The following STAT5B variants were observed in gnomAD, a reference collection of about 807,000 sequenced individuals.
STAT5B encodes signal transducer and activator of transcription 5B.
A neutral mutation model predicts 107.8 loss-of-function variants in STAT5B; 21 were observed. The observed-to-expected ratio is 0.19, with a 90% CI of 0.14 to 0.28. STAT5B has a LOEUF of 0.28. Among genes scored for constraint, STAT5B ranks in the 10% least tolerant of loss-of-function variants. The probability of loss-of-function intolerance (pLI) is 1.00; values close to 1 mark genes in which losing one functional copy is unlikely to be tolerated. For synonymous variants in STAT5B, 325 were observed against 401.7 expected, an observed-to-expected ratio of 0.81 and a Z score of 2.28; for missense variants, 565 against 1,008.2, an observed-to-expected ratio of 0.56 and a Z score of 5.95.
chr17:42,270,212 AAAT>A (rs1216466536), intron 1 of STAT5B, among the ~76,000 whole-genome samples: 1 of 152,158 alleles, frequency 6.6e-6, no homozygotes, highest in Non-Finnish European at 1.5e-5. Flanking sequence ...CTGTCTCAAG[AAAT>A]AATAATAATA....
chr17:42,240,766 T>C (rs924261653), intron 1 of STAT5B, among the ~76,000 whole-genome samples: 2 of 152,198 alleles, frequency 1.3e-5, no homozygotes, highest in Non-Finnish European at 2.9e-5. Context: ...CCAGGCTGCA[T>C]GCATGTTGAG....
the STAT5B span, among the ~76,000 whole-genome samples, chr17:42,287,188 C>G: frequency 6.6e-6 from 1 of 150,950 alleles, no homozygotes; most frequent in Non-Finnish European, 1.5e-5. Context: ...GCTTCTGCAG[C>G]TTTGAAGTTC....
At chr17:42,240,759 G>A (rs576097946) in intron 1 of STAT5B, among the ~76,000 whole-genome samples, 1 of 152,176 alleles carries the variant, frequency 6.6e-6, no homozygotes, top group African/African-American at 2.4e-5. Context: ...CACTGCACCA[G>A]GCTGCATGCA....
intron 1 of STAT5B, among the ~76,000 whole-genome samples, chr17:42,262,968 GTGTATATATATATATATATATATA>G (rs1178281942): frequency 6.1e-5 from 2 of 32,696 alleles, no homozygotes; most frequent in Non-Finnish European, 1.1e-4. Context: ...GTGTGTGTGT[GTGTATATATATATATATATATATA>G]TATATATATA....
At chr17:42,262,752 A>G (rs968632770) in intron 1 of STAT5B, among the ~76,000 whole-genome samples, 1 of 138,318 alleles carries the variant, frequency 7.2e-6, no homozygotes, top group Non-Finnish European at 1.6e-5. Context: ...GTGTATATAT[A>G]TGTGTGTATA....
At chr17:42,224,686 G>T in intron 4 of STAT5B, 93 bp downstream of exon 4, 1 of 1,235,166 alleles carries the variant, frequency 8.1e-7, no homozygotes, top group Non-Finnish European at 1.2e-6. Flanking sequence ...CACCAATAGT[G>T]CACCCTGAGT....
chr17:42,259,107 C>T lies in STAT5B; in HGVS notation c.-11+17141G>A, dbSNP rs1162388139. On this transcript the variant is annotated intron_variant, in intron 1 of 18. Transcript: ENST00000293328. ...AACAAAACAAAAATAACAAAACACCCTGCCTAAAAGTGATTTGACAGTTGA... is the reference window on the plus strand; with the variant it reads ...AACAAAACAAAAATAACAAAACACCTTGCCTAAAAGTGATTTGACAGTTGA... 2.6e-5 allele frequency among the ~76,000 whole-genome samples: 4 copies of T among 152,138 alleles called. No homozygotes were observed. The East Asian group carries it at 7.7e-4, about 29-fold the overall frequency.
At position 42,228,919 on chromosome 17, in the gene STAT5B, G is replaced by A. The variant is rs557292945; in HGVS notation, c.129-1234C>T. Among the ~76,000 whole-genome samples, 9 of 152,280 alleles carry A rather than the reference G, an allele frequency of 5.9e-5. No individual in the cohort carries two copies. In the East Asian group the frequency reaches 9.6e-4, roughly 16 times the overall value. On this transcript the variant is annotated intron_variant, in intron 2 of 18. Transcript: ENST00000293328. ...ACTGCACTCCAGCCTGGGTGACAAA[G>A]CAAGATTCTCTCTACGAAAACATAA...
At chr17:42,278,737 T>C (rs1202626317), upstream of STAT5B, among the ~76,000 whole-genome samples, 1 of 152,106 alleles carries the variant, frequency 6.6e-6, no homozygotes, top group African/African-American at 2.4e-5. Context: ...TCCCAGCACT[T>C]TGGGAAGCCA....
Position 42,243,876 on chromosome 17 carries a change from C to T in STAT5B, c.-10-11739G>A, listed in dbSNP as rs997331899. Reference sequence around the variant, plus strand: ...TTGTGCCATGGTGGCCCACAGTGTACATGTGTTATCATTATCTCCATGTCC... The same window carrying T: ...TTGTGCCATGGTGGCCCACAGTGTATATGTGTTATCATTATCTCCATGTCC... On this transcript the variant is annotated intron_variant, in intron 1 of 18. Coordinates refer to ENST00000293328, the MANE Select transcript of STAT5B (RefSeq NM_012448.4). 6.6e-5 allele frequency among the ~76,000 whole-genome samples: 10 copies of T among 150,890 alleles called. 1 individual carries two copies. The highest frequency in any genetic ancestry group is 5.9e-4 in the Admixed American group (9 of 15,210).
intron 13 of STAT5B, 85 bp from the exon 14 acceptor site, chr17:42,210,582 G>A: frequency 1.6e-6 from 2 of 1,265,048 alleles, no homozygotes; most frequent in Non-Finnish European, 2.3e-6. Context: ...AAAATTAAAT[G>A]GGAAACAAAC....
In STAT5B at chr17:42,216,019, C is replaced by T; in HGVS notation, c.1468G>A (p.Glu490Lys). 1 of 1,614,036 alleles carries T rather than the reference C, an allele frequency of 6.2e-7. No homozygotes were observed. The highest frequency in any genetic ancestry group is 8.5e-7 in the Non-Finnish European group (1 of 1,179,986). ...TGCCCGAGGAATACACTCACAGGCT[C>T]TGCAAAAGCATTGTCCCAGAGAACA... ...ATVLWDNAFA[E>K]PGRVPFAVPD... Residue 490 changes from glutamate (E) to lysine (K), a missense_variant, in exon 12 of 19, where the codon GAG (glutamate) becomes AAG (lysine). Physicochemically the swap from Glu to Lys is moderately conservative, Grantham distance 56. Transcript: ENST00000293328.
At position 42,217,367 on chromosome 17, in the gene STAT5B, C is replaced by T; in HGVS notation, c.1257+10G>A. 6.2e-7 allele frequency: 1 copy of T among 1,614,212 alleles called. No homozygotes were observed. The highest frequency in any genetic ancestry group is 8.5e-7 in the Non-Finnish European group (1 of 1,180,036). ...GGAAAAATTCATTCTTCCTCTTCTT[C>T]CACCCTCACCATATTCCTGAAGTGG... On this transcript the variant is annotated intron_variant, in intron 10 of 18. Coordinates refer to ENST00000293328, the MANE Select transcript of STAT5B (RefSeq NM_012448.4).
chr17:42,250,984 G>A (rs1296511601), intron 1 of STAT5B, among the ~76,000 whole-genome samples: 3 of 149,714 alleles, frequency 2.0e-5, no homozygotes, highest in Non-Finnish European at 4.4e-5. Context: ...AGTGATACCT[G>A]CAGTTTAACT....
chr17:42,202,187 C>T (rs1383577761), intron 18 of STAT5B, 153 bp downstream of exon 18: 4 of 870,046 alleles, frequency 4.6e-6, no homozygotes, highest in Admixed American at 5.0e-5. Context: ...CTGGTCAAAT[C>T]TCTCCCTCCC....
the STAT5B span, among the ~76,000 whole-genome samples, chr17:42,285,214 C>T: frequency 4.6e-5 from 7 of 151,886 alleles, no homozygotes; most frequent in South Asian, 4.2e-4. Context: ...CTCAGCCTCC[C>T]GAGTAGCTGG....
intron 1 of STAT5B, among the ~76,000 whole-genome samples, chr17:42,244,966 A>T (rs2080438324): frequency 6.6e-6 from 1 of 152,150 alleles, no homozygotes; most frequent in East Asian, 1.9e-4. Flanking sequence ...CAGTGGCACA[A>T]TCTTGGCTCA....
At chr17:42,224,656 T>C in intron 4 of STAT5B, 123 bp downstream of exon 4, 1 of 956,448 alleles carries the variant, frequency 1.0e-6, no homozygotes, top group Non-Finnish European at 1.6e-6. Context: ...CCCCTTAGGA[T>C]GAAGCTCTCT....
chr17:42,276,537 C>A (rs1449994456), upstream of STAT5B: 1 of 151,488 alleles, frequency 6.6e-6, no homozygotes, highest in Non-Finnish European at 1.5e-5. This position sits in a 1 kb window ranked among gnomAD's most constrained non-coding sequence, Gnocchi z 4.8. Context: ...CCTCGCGCCC[C>A]CTCCGCGACC....
Sources: allele counts gnomAD v4.1 joint callset (sites outside exome capture counted in the v4.1 genomes callset), GRCh38; gene constraint gnomAD v4.1.1; non-coding constraint Gnocchi (gnomAD v3.1); transcripts MANE v1.5; gene names NCBI Gene and HGNC (gene_info 2026-07-23, HGNC 2026-07-21).